Variants in GALNT2 observed in about 807,000 individuals in gnomAD.
GALNT2 encodes the protein polypeptide N-acetylgalactosaminyltransferase 2, also known as UDP-GalNAc:polypeptide N-acetylgalactosaminyltransferase 2.
A neutral mutation model predicts 81.4 loss-of-function variants in GALNT2; 31 were observed. That is an observed-to-expected ratio of 0.38 (90% CI 0.29 to 0.51). The LOEUF is 0.51. GALNT2 is among the 20% of genes least tolerant of loss of function. The pLI is 0.87. For synonymous variants in GALNT2, 303 were observed against 287.4 expected, an observed-to-expected ratio of 1.05 and a Z score of -0.55; for missense variants, 629 against 765.7, an observed-to-expected ratio of 0.82 and a Z score of 2.11.
At chr1:230,181,448 G>T (rs958283989) in intron 2 of GALNT2, among the ~76,000 whole-genome samples, 1 of 152,110 alleles carries the variant, frequency 6.6e-6, no homozygotes, top group African/African-American at 2.4e-5. Flanking sequence ...AATCCTACTT[G>T]ATCATGGTGT....
At position 230,058,374 on chromosome 1, in the gene GALNT2, A is replaced by G. The variant is rs1446468375; in HGVS notation, n.89+296A>G. On this transcript the variant is annotated intron_variant and non_coding_transcript_variant, in intron 1 of 6. Coordinates refer to the GALNT2 transcript ENST00000494106. ...TGCCTTTCAGCAGAATGTCCCCAGG[A>G]TCCCCTAAGCCCCCGTGATGCTGTG... Among the ~76,000 whole-genome samples the G allele has an allele frequency of 3.9e-5, 6 of 152,244 alleles. No individual in the cohort carries two copies. In the South Asian group the frequency reaches 1.2e-3, roughly 32 times the overall value.
chr1:230,178,139 G>C, intron 1 of GALNT2, 79 bp from the exon 2 acceptor site: 1 of 1,147,172 alleles, frequency 8.7e-7, no homozygotes, highest in Non-Finnish European at 1.3e-6. Flanking sequence ...ACTCTCCTAA[G>C]ACTCGGTATG....
At chr1:230,100,257 CT>C (rs1256924344) in intron 1 of GALNT2, among the ~76,000 whole-genome samples, 9 of 151,274 alleles carry the variant, frequency 5.9e-5, no homozygotes, top group African/African-American at 1.9e-4. Context: ...TCTGCACCAG[CT>C]CTTTGCCTGG....
At chr1:230,222,627 T>C (rs1426945468) in intron 3 of GALNT2, among the ~76,000 whole-genome samples, 3 of 152,198 alleles carry the variant, frequency 2.0e-5, no homozygotes. Context: ...TGGAGATTTT[T>C]TTCTCCTGAC....
chr1:230,262,330 C>T, intron 11 of GALNT2: 3 of 474,046 alleles, frequency 6.3e-6, no homozygotes, highest in Non-Finnish European at 1.1e-5. Flanking sequence ...GCCCTTTGAC[C>T]ATCTGTGTGA....
intron 2 of GALNT2, among the ~76,000 whole-genome samples, chr1:230,187,144 G>A (rs1337587697): frequency 6.6e-6 from 1 of 152,150 alleles, no homozygotes; most frequent in Non-Finnish European, 1.5e-5. Flanking sequence ...TATGGCCACA[G>A]AACCCACTGA....
In GALNT2 at chr1:230,265,355, TG is replaced by T. The variant is rs1666004049; in HGVS notation, c.1433del (p.Gly478GlufsTer7). The T allele has an allele frequency of 6.2e-7, 1 of 1,614,186 alleles. No homozygotes were observed. The highest frequency in any genetic ancestry group is 8.5e-7 in the Non-Finnish European group (1 of 1,180,026). ...TTGGAGTTTATGAATGTCACAATGC[TG>T]GGGGAAACCAGGTATGTGCATGGGG... ...VVGVYECHNA[G>X]GNQEWALTKE... is the part of the protein sequence containing the mutation. On this transcript the variant is annotated frameshift_variant, in exon 14 of 16. Coordinates refer to ENST00000366672, the MANE Select transcript of GALNT2 (RefSeq NM_004481.5). LOFTEE classifies it high-confidence loss of function.
At chr1:230,180,214 G>A (rs1009433703) in intron 2 of GALNT2, among the ~76,000 whole-genome samples, 1 of 151,810 alleles carries the variant, frequency 6.6e-6, no homozygotes, top group African/African-American at 2.4e-5. Flanking sequence ...CACCACGCCT[G>A]GCCTACTTTG....
At chr1:230,066,766 C>A (rs1042773078), upstream of GALNT2, among the ~76,000 whole-genome samples, 1 of 152,208 alleles carries the variant, frequency 6.6e-6, no homozygotes, top group African/African-American at 2.4e-5. Context: ...CTACCGCCCC[C>A]GTAATCGAGA....
chr1:230,133,686 C>G (rs1661443371), intron 1 of GALNT2, among the ~76,000 whole-genome samples: 1 of 152,152 alleles, frequency 6.6e-6, no homozygotes, highest in Non-Finnish European at 1.5e-5. Flanking sequence ...AACTCCTGAC[C>G]TCAGGTGATC....
intron 1 of GALNT2, among the ~76,000 whole-genome samples, chr1:230,120,312 A>G (rs1660976030): frequency 6.7e-6 from 1 of 148,568 alleles, no homozygotes; most frequent in South Asian, 2.1e-4. Flanking sequence ...CCAGGGGTCC[A>G]GGACGTGCCT....
chr1:230,142,012 T>G (rs2102825286), intron 1 of GALNT2, among the ~76,000 whole-genome samples: 1 of 152,196 alleles, frequency 6.6e-6, no homozygotes, highest in South Asian at 2.1e-4. Context: ...AGGCTGGTCT[T>G]GAACTCCTGG....
chr1:230,196,717 C>A (rs1445396191), intron 2 of GALNT2, among the ~76,000 whole-genome samples: 1 of 152,150 alleles, frequency 6.6e-6, no homozygotes, highest in Non-Finnish European at 1.5e-5. Flanking sequence ...TCTCCTCATC[C>A]CATCCCCACT....
intron 1 of GALNT2, among the ~76,000 whole-genome samples, chr1:230,135,193 ACT>A (rs1661497050): frequency 6.6e-6 from 1 of 150,730 alleles, no homozygotes; most frequent in Non-Finnish European, 1.5e-5. Flanking sequence ...TTTGGTCCTG[ACT>A]CTCATGGGGG....
chr1:230,123,253 C>T (rs1481421033), intron 1 of GALNT2, among the ~76,000 whole-genome samples: 5 of 152,292 alleles, frequency 3.3e-5, no homozygotes, highest in South Asian at 4.2e-4. Context: ...CTGCCTTATT[C>T]GTGACGCTTG....
intron 11 of GALNT2, among the ~76,000 whole-genome samples, chr1:230,256,728 G>A (rs960225822): frequency 2.0e-5 from 3 of 152,320 alleles, no homozygotes; most frequent in African/African-American, 7.2e-5. Flanking sequence ...TCTCTTACAT[G>A]CTAAAGATAG....
At chr1:230,276,443 C>T (rs1388153464) in intron 15 of GALNT2, among the ~76,000 whole-genome samples, 2 of 152,092 alleles carry the variant, frequency 1.3e-5, no homozygotes, top group Admixed American at 6.5e-5. Flanking sequence ...CTACTGGAGC[C>T]AAGAGCCTAA....
At chr1:230,180,512 T>G (rs2102687725) in intron 2 of GALNT2, among the ~76,000 whole-genome samples, 1 of 152,284 alleles carries the variant, frequency 6.6e-6, no homozygotes, top group African/African-American at 2.4e-5. Context: ...TTGATTACCA[T>G]GACTTCATGT....
chr1:230,111,845 A>G (rs1238259286), intron 1 of GALNT2, among the ~76,000 whole-genome samples: 1 of 152,082 alleles, frequency 6.6e-6, no homozygotes, highest in African/African-American at 2.4e-5. Flanking sequence ...TGGCTGCAAG[A>G]TGGTTTTTTC....
Sources: gnomAD v4.1 joint callset for allele counts (sites outside exome capture counted in the v4.1 genomes callset) on GRCh38, gnomAD v4.1.1 for gene constraint, MANE v1.5 for transcripts, NCBI Gene and HGNC (gene_info 2026-07-23, HGNC 2026-07-21) for gene names.